The following IL5RA variants were observed in gnomAD, a reference collection of about 807,000 sequenced individuals.
The protein encoded by IL5RA is interleukin 5 receptor subunit alpha.
In IL5RA, 49 loss-of-function variants were observed where a neutral mutation model predicts 50.0. The observed-to-expected ratio is 0.98, with a 90% CI of 0.78 to 1.24. The LOEUF is 1.24. IL5RA is among the 50% of genes most tolerant of loss of function. IL5RA has a pLI of 0.00. For missense variants in IL5RA, 600 were observed against 500.4 expected (o/e 1.20, Z -1.90); for synonymous variants, 202 against 174.0 (o/e 1.16, Z -1.26).
chr3:3,097,157 G>A (rs7619345), intron 7 of IL5RA, among the ~76,000 whole-genome samples: 52,379 of 152,148 alleles, frequency 0.34, 9,178 homozygotes, highest in South Asian at 0.54. Context: ...TGGGATGAGG[G>A]AGAGTGTCTT....
At chr3:3,093,339 T>C (rs182821178) in intron 8 of IL5RA, among the ~76,000 whole-genome samples, 1 of 152,242 alleles carries the variant, frequency 6.6e-6, no homozygotes, top group African/African-American at 2.4e-5. Flanking sequence ...TATTTATTAC[T>C]GGCTTGTGAT....
intron 11 of IL5RA, among the ~76,000 whole-genome samples, chr3:3,072,418 C>G (rs1380678051): frequency 6.6e-6 from 1 of 152,232 alleles, no homozygotes; most frequent in Non-Finnish European, 1.5e-5. Flanking sequence ...CTGAAACCAG[C>G]TTGTCTGCCC....
At position 3,085,595 on chromosome 3, in the gene IL5RA, G is replaced by C. The variant is rs17882390; in HGVS notation, c.994+6629C>G. Among the ~76,000 whole-genome samples the C allele has an allele frequency of 4.4e-3, 670 of 152,224 alleles. 5 individuals are homozygous for C. The highest frequency in any genetic ancestry group is 0.015 in the African/African-American group (611 of 41,530). The stretch of plus-strand genomic sequence containing the variant: ...GAAGATGCATTTGATGGTCCCAAAG[G>C]TGACTTCAGTTTTTGATTCCAGGTG... On this transcript the variant is annotated intron_variant, in intron 9 of 11. Coordinates refer to ENST00000446632, the MANE Select transcript of IL5RA (RefSeq NM_175726.4).
rs79623993 is a variant in IL5RA, at chr3:3,066,555, C to G, written c.*3670G>C. On this transcript the variant is annotated 3_prime_UTR_variant, in exon 12 of 12. Transcript: ENST00000446632. The stretch of plus-strand genomic sequence containing the variant: ...AGTCCTATTCTAATTAGGTTTTTCA[C>G]CTTTACTTGTGCCATCAGAGATTGT... The G allele has an allele frequency of 6.6e-6, 1 of 152,174 alleles. No homozygotes were observed. The highest frequency in any genetic ancestry group is 1.5e-5 in the Non-Finnish European group (1 of 68,022). 9.4% of individuals were successfully genotyped at this position (152,174 alleles called of 1,614,324 possible). A position where few individuals can be genotyped will look rare whatever the true frequency, so the allele number is the denominator to read the frequency against.
intron 9 of IL5RA, chr3:3,090,008 G>A: frequency 1.8e-6 from 1 of 541,196 alleles, no homozygotes; most frequent in Non-Finnish European, 3.3e-6. Context: ...TCAAGTGCTA[G>A]AGTCAGTTAA....
chr3:3,066,543 T>G lies in IL5RA; in HGVS notation c.*3682A>C, dbSNP rs1702141790. ...AGGCTAGCACCAAGTCCTATTCTAA[T>G]TAGGTTTTTCACCTTTACTTGTGCC... On this transcript the variant is annotated 3_prime_UTR_variant, in exon 12 of 12. Coordinates refer to ENST00000446632, the MANE Select transcript of IL5RA (RefSeq NM_175726.4). The G allele has an allele frequency of 6.6e-6, 1 of 152,226 alleles. No individual in the cohort carries two copies. Among genetic ancestry groups the G allele is most frequent in the Admixed American group, 6.5e-5 (1 of 15,284 alleles). 9.4% of individuals were successfully genotyped at this position (152,226 alleles called of 1,614,324 possible).
At chr3:3,082,523 T>G (rs1051189383) in intron 9 of IL5RA, among the ~76,000 whole-genome samples, 49 of 152,356 alleles carry the variant, frequency 3.2e-4, no homozygotes, top group African/African-American at 1.0e-3. Flanking sequence ...ATTTGGGAAA[T>G]TCAGTTGTCT....
chr3:3,073,434 C>A (rs567376751), intron 11 of IL5RA, among the ~76,000 whole-genome samples: 1 of 152,178 alleles, frequency 6.6e-6, no homozygotes, highest in Non-Finnish European at 1.5e-5. Context: ...AGCACAGCCA[C>A]GCTCATTCAT....
chr3:3,086,473 C>G (rs998796756), intron 9 of IL5RA, among the ~76,000 whole-genome samples: 2 of 151,964 alleles, frequency 1.3e-5, no homozygotes, highest in Non-Finnish European at 2.9e-5. Flanking sequence ...GAAGTTAGCT[C>G]TTAAGATAAG....
At chr3:3,108,119 TA>T (rs1346380055) in intron 2 of IL5RA, among the ~76,000 whole-genome samples, 7 of 152,190 alleles carry the variant, frequency 4.6e-5, no homozygotes, top group Admixed American at 1.3e-4. Context: ...ATGAAGAGTT[TA>T]CTTTCTCTTT....
At chr3:3,099,882 C>A (rs1317980310) in intron 5 of IL5RA, among the ~76,000 whole-genome samples, 1 of 152,014 alleles carries the variant, frequency 6.6e-6, no homozygotes, top group Non-Finnish European at 1.5e-5. Context: ...GTTGGCCAGG[C>A]TGGTCTCGAA....
At chr3:3,097,409 T>C (rs1703414216) in intron 7 of IL5RA, among the ~76,000 whole-genome samples, 1 of 152,126 alleles carries the variant, frequency 6.6e-6, no homozygotes, top group Non-Finnish European at 1.5e-5. Flanking sequence ...GTGGCACTAG[T>C]CCATCACAGG....
At position 3,101,782 on chromosome 3, in the gene IL5RA, C is replaced by G. The variant is rs1475322678; in HGVS notation, c.277G>C (p.Gly93Arg). The change falls in exon 5 of 12, where the codon GGC becomes CGC. Residue 93 changes from glycine to arginine, a missense_variant. Gly to Arg is a moderately radical substitution (Grantham distance 125, BLOSUM62 -2). Transcript: ENST00000446632. Reference protein sequence around the residue: ...ESKCVTILHKGFSASVRTILQ... With the variant: ...ESKCVTILHKRFSASVRTILQ... Reference sequence around the variant, plus strand: ...ATGGTCCGCACACTTGCTGAAAAGCCTTTGTGGAGGATGGTTACACATTTG... The same window carrying G: ...ATGGTCCGCACACTTGCTGAAAAGCGTTTGTGGAGGATGGTTACACATTTG... 1 of 1,613,890 alleles carries G rather than the reference C, an allele frequency of 6.2e-7. No homozygotes were observed. The highest frequency in any genetic ancestry group is 8.5e-7 in the Non-Finnish European group (1 of 1,180,000).
chr3:3,083,608 A>G (rs1348379733), intron 9 of IL5RA, among the ~76,000 whole-genome samples: 2 of 152,220 alleles, frequency 1.3e-5, no homozygotes, highest in Non-Finnish European at 2.9e-5. Context: ...ACCAAGGGCT[A>G]TGTACCTTCT....
In IL5RA at chr3:3,098,376, C is replaced by T. The variant is rs371945118; in HGVS notation, c.368-86G>A. 1.1e-3 allele frequency: 1,281 copies of T among 1,196,192 alleles called. 16 individuals are homozygous for T. The South Asian group carries it at 0.016, about 15-fold the overall frequency. 74.1% of individuals were successfully genotyped at this position (1,196,192 alleles called of 1,614,324 possible). On this transcript the variant is annotated intron_variant, in intron 5 of 11. Coordinates refer to ENST00000446632, the MANE Select transcript of IL5RA (RefSeq NM_175726.4). ...TCTTTTGGAACTATAGTGATGTGAA[C>T]GTCGTATTCATCACCAAAAAATAAT... is the stretch of plus-strand genomic sequence containing the variant.
intron 9 of IL5RA, among the ~76,000 whole-genome samples, chr3:3,084,419 G>T (rs951457273): frequency 5.3e-5 from 8 of 152,300 alleles, no homozygotes; most frequent in African/African-American, 1.9e-4. Flanking sequence ...ACAGAAAAGG[G>T]TATGGGTATT....
rs1223959187 is a variant in IL5RA, at chr3:3,094,678, C to T, written c.855+621G>A. ...TTCTATTTCTAATTTTTTGAGAATT[C>T]ATCATATCGTTTTTATAGTAGCTGC... On this transcript the variant is annotated intron_variant, in intron 8 of 11. Coordinates refer to ENST00000446632, the MANE Select transcript of IL5RA (RefSeq NM_175726.4). 2.0e-5 allele frequency among the ~76,000 whole-genome samples: 3 copies of T among 152,022 alleles called. No homozygotes were observed. The East Asian group carries it at 5.8e-4, about 29-fold the overall frequency.
chr3:3,070,675 C>G (rs555158007), intron 11 of IL5RA, among the ~76,000 whole-genome samples: 1 of 150,464 alleles, frequency 6.6e-6, no homozygotes, highest in Non-Finnish European at 1.5e-5. Flanking sequence ...CTCCACCTCC[C>G]AGGTTCAAGT....
intron 2 of IL5RA, 75 bp from the exon 3 acceptor site, chr3:3,105,062 T>C (rs1293019409): frequency 1.1e-6 from 1 of 945,304 alleles, no homozygotes; most frequent in Admixed American, 1.9e-5. Context: ...CTTTCTAACA[T>C]AAAATGCAGT....
Sources: allele counts gnomAD v4.1 joint callset (sites outside exome capture counted in the v4.1 genomes callset), GRCh38; gene constraint gnomAD v4.1.1; transcripts MANE v1.5; gene names NCBI Gene and HGNC (gene_info 2026-07-23, HGNC 2026-07-21).